LOXL2: variants seen among roughly 807,000 people sequenced by gnomAD.
The protein encoded by LOXL2 is lysyl oxidase like 2.
LOXL2 carries 70 observed loss-of-function variants against 93.0 expected under a neutral mutation model. That is an observed-to-expected ratio of 0.75 (90% CI 0.62 to 0.92). The LOEUF is 0.92. Among genes scored for constraint, LOXL2 ranks in the 40% least tolerant of loss-of-function variants. LOXL2 has a pLI of 0.00. For missense variants in LOXL2, 973 were observed against 1,054.9 expected (o/e 0.92, Z 1.08); for synonymous variants, 438 against 413.2 (o/e 1.06, Z -0.73).
Position 23,368,280 on chromosome 8 carries a change from C to T in LOXL2, c.72G>A (p.Leu24=), listed in dbSNP as rs1475194280. Residue 24 remains leucine (L), a synonymous_variant, in exon 2 of 14, where the codon CTG becomes CTA. Transcript: ENST00000389131. ...AMLALLSPLS[L]AQYDSWPHYP... ...AATGGGGCCAGCTGTCATACTGTGCCAGGCTCAGGGGGGACAGGAGGGCCA... is the reference window on the plus strand; with the variant it reads ...AATGGGGCCAGCTGTCATACTGTGCTAGGCTCAGGGGGGACAGGAGGGCCA... The T allele has an allele frequency of 6.2e-7, 1 of 1,613,644 alleles. No individual in the cohort carries two copies. The highest frequency in any genetic ancestry group is 2.2e-5 in the East Asian group (1 of 44,876).
intron 5 of LOXL2, 39 bp from the exon 6 acceptor site, chr8:23,328,604 T>A: frequency 6.3e-7 from 1 of 1,591,902 alleles, no homozygotes; most frequent in Non-Finnish European, 8.6e-7. Context: ...CAGACGCTGA[T>A]GCACGTTCAG....
chr8:23,317,199 A>T, intron 8 of LOXL2, 85 bp from the exon 9 acceptor site: 1 of 1,425,932 alleles, frequency 7.0e-7, no homozygotes. Flanking sequence ...GCCTCACAAA[A>T]ATCCCAATGT....
chr8:23,318,604 T>A (rs1196009684), intron 8 of LOXL2, among the ~76,000 whole-genome samples: 1 of 152,146 alleles, frequency 6.6e-6, no homozygotes, highest in Non-Finnish European at 1.5e-5. Flanking sequence ...CAAATGTCAG[T>A]CCCAGGCCTA....
At chr8:23,331,247 G>T (rs1036834645) in intron 5 of LOXL2, among the ~76,000 whole-genome samples, 1 of 152,092 alleles carries the variant, frequency 6.6e-6, no homozygotes, top group Admixed American at 6.5e-5. Context: ...ATGGCTGGGG[G>T]AAAGCTGGTT....
At chr8:23,328,830 T>G in intron 5 of LOXL2, 1 of 444,294 alleles carries the variant, frequency 2.3e-6, no homozygotes. Context: ...GTGGAGCTTC[T>G]GTCCTGGTCC....
intron 3 of LOXL2, among the ~76,000 whole-genome samples, chr8:23,358,845 A>AT (rs5890105): frequency 0.36 from 48,571 of 135,590 alleles, 8,875 homozygotes; most frequent in Middle Eastern, 0.41. Context: ...CAGTACCTGC[A>AT]TTTTTTTTTT....
At chr8:23,328,707 G>T in intron 5 of LOXL2, 142 bp from the exon 6 acceptor site, 1 of 681,480 alleles carries the variant, frequency 1.5e-6, no homozygotes, top group East Asian at 2.8e-5. Context: ...CTTGATGTAT[G>T]GATGTGTGTG....
chr8:23,396,867 C>T (rs2117241076), intron 1 of LOXL2, among the ~76,000 whole-genome samples: 1 of 152,334 alleles, frequency 6.6e-6, no homozygotes, highest in African/African-American at 2.4e-5. Context: ...AGGGCATGTT[C>T]ACTTTGTAAA....
intron 2 of LOXL2, among the ~76,000 whole-genome samples, chr8:23,367,071 T>C (rs1804414036): frequency 6.6e-6 from 1 of 152,140 alleles, no homozygotes; most frequent in South Asian, 2.1e-4. Context: ...TTTTTTGAGA[T>C]GGAGTCTCGC....
intron 3 of LOXL2, among the ~76,000 whole-genome samples, chr8:23,343,950 A>T (rs868008995): frequency 3.1e-4 from 47 of 152,304 alleles, no homozygotes; most frequent in African/African-American, 1.0e-3. Context: ...TAGCATCAAG[A>T]CTGCACTTCA....
intron 6 of LOXL2, among the ~76,000 whole-genome samples, chr8:23,327,656 C>T (rs184441457): frequency 9.9e-5 from 15 of 152,186 alleles, no homozygotes; most frequent in Admixed American, 4.6e-4. Context: ...ACAGTCTGTT[C>T]GGGGTAAAAT....
At position 23,297,290 on chromosome 8, in the gene LOXL2, G is replaced by C. The variant is rs1272147131; in HGVS notation, c.*753C>G. On this transcript the variant is annotated 3_prime_UTR_variant, in exon 14 of 14. Coordinates refer to ENST00000389131, the MANE Select transcript of LOXL2 (RefSeq NM_002318.3). ...CCAGGACCCTGGTTATAGCACCGTT[G>C]AATCAAAAACCCACAGAATTGGAAC... is the stretch of plus-strand genomic sequence containing the variant. The C allele has an allele frequency of 6.6e-6, 1 of 152,184 alleles. No homozygotes were observed. Among genetic ancestry groups the C allele is most frequent in the African/African-American group, 2.4e-5 (1 of 41,438 alleles). 9.4% of individuals were successfully genotyped at this position (152,184 alleles called of 1,614,324 possible).
At chr8:23,344,488 G>A (rs1249669764) in intron 3 of LOXL2, among the ~76,000 whole-genome samples, 1 of 151,910 alleles carries the variant, frequency 6.6e-6, no homozygotes, top group Admixed American at 6.6e-5. Context: ...GTGCACGGGG[G>A]TATATGCATG....
At chr8:23,308,531 C>T (rs12056562) in intron 10 of LOXL2, among the ~76,000 whole-genome samples, 4,946 of 152,304 alleles carry the variant, frequency 0.032, 227 homozygotes, top group South Asian at 0.2. Flanking sequence ...GTCTCCCTTC[C>T]TTTCCAAGGG....
intron 1 of LOXL2, among the ~76,000 whole-genome samples, chr8:23,374,673 T>G (rs551830585): frequency 6.6e-6 from 1 of 152,232 alleles, no homozygotes; most frequent in Non-Finnish European, 1.5e-5. Flanking sequence ...CTCATTGTGG[T>G]TTTGATTTGC....
chr8:23,374,288 T>C (rs1466802937), intron 1 of LOXL2, among the ~76,000 whole-genome samples: 1 of 152,178 alleles, frequency 6.6e-6, no homozygotes, highest in Non-Finnish European at 1.5e-5. Context: ...CTCATCCTTT[T>C]TTATGGCTGC....
chr8:23,403,530 ACT>A, intron 1 of LOXL2, among the ~76,000 whole-genome samples: 2 of 151,952 alleles, frequency 1.3e-5, no homozygotes, highest in East Asian at 1.9e-4. Context: ...GAGGGCAGTC[ACT>A]GTCTCCCGAC....
chr8:23,311,681 C>T (rs1443309145), intron 9 of LOXL2, among the ~76,000 whole-genome samples: 1 of 152,204 alleles, frequency 6.6e-6, no homozygotes, highest in Non-Finnish European at 1.5e-5. Flanking sequence ...GTGGCATCCT[C>T]CCACCTACCC....
chr8:23,383,665 T>G lies in LOXL2; in HGVS notation c.-83-15231A>C, dbSNP rs1203829591. Among the ~76,000 whole-genome samples, 122 of 111,062 alleles carry G rather than the reference T, an allele frequency of 1.1e-3. 1 individual carries two copies. The highest frequency in any genetic ancestry group is 3.0e-3 in the African/African-American group (101 of 33,846). The allele number at this position is 111,062 out of a possible 152,430, so 72.9% of individuals were successfully genotyped here. On this transcript the variant is annotated intron_variant, in intron 1 of 13. Transcript: ENST00000389131. Reference sequence around the variant, plus strand: ...TTTTACGTTTTTTTTTTGTTTTTTTTTTTTTTTTTTTTTGAGACAGAGTCT... The same window carrying G: ...TTTTACGTTTTTTTTTTGTTTTTTTGTTTTTTTTTTTTTGAGACAGAGTCT...
Sources: gnomAD v4.1 joint callset for allele counts (sites outside exome capture counted in the v4.1 genomes callset) on GRCh38, gnomAD v4.1.1 for gene constraint, MANE v1.5 for transcripts, NCBI Gene and HGNC (gene_info 2026-07-23, HGNC 2026-07-21) for gene names.